Variants in VPS50 observed in about 807,000 individuals in gnomAD.
VPS50 encodes the protein syndetin.
Under a neutral mutation model 139.7 loss-of-function variants are expected in VPS50, and 70 were observed. That is an observed-to-expected ratio of 0.50 (90% CI 0.41 to 0.61). The LOEUF is 0.61. Ranked by LOEUF, VPS50 falls within the 20% of genes least tolerant of loss-of-function variation. The pLI is 0.00. For synonymous variants in VPS50, 365 were observed against 376.7 expected (o/e 0.97, Z 0.36); for missense variants, 921 against 1,133.7 (o/e 0.81, Z 2.69).
intron 23 of VPS50, among the ~76,000 whole-genome samples, chr7:93,342,701 G>A (rs1418651321): frequency 6.6e-6 from 1 of 152,198 alleles, no homozygotes; most frequent in African/African-American, 2.4e-5. Context: ...CGAACTGGGA[G>A]GCACCCCCCA....
chr7:93,298,496 C>T (rs1315287771), intron 16 of VPS50, among the ~76,000 whole-genome samples: 1 of 152,174 alleles, frequency 6.6e-6, no homozygotes, highest in African/African-American at 2.4e-5. Context: ...TGCCAAATGT[C>T]TCTCTTCCCA....
chr7:93,275,898 C>A, intron 11 of VPS50: 1 of 369,416 alleles, frequency 2.7e-6, no homozygotes, highest in African/African-American at 2.0e-5. Flanking sequence ...TAAGAAAGAG[C>A]AAGATGAATA....
intron 21 of VPS50, among the ~76,000 whole-genome samples, chr7:93,327,952 G>A (rs1797829336): frequency 6.6e-6 from 1 of 152,132 alleles, no homozygotes; most frequent in Non-Finnish European, 1.5e-5. Flanking sequence ...GGAAAAATAA[G>A]TATCTTTTTC....
intron 2 of VPS50, among the ~76,000 whole-genome samples, 190 bp downstream of exon 2, chr7:93,240,124 A>T (rs1794936443): frequency 6.6e-6 from 1 of 151,982 alleles, no homozygotes; most frequent in African/African-American, 2.4e-5. Flanking sequence ...AGTATGTATG[A>T]TGCATTATAG....
At chr7:93,313,727 G>T (rs949826473) in intron 20 of VPS50, among the ~76,000 whole-genome samples, 1 of 150,314 alleles carries the variant, frequency 6.7e-6, no homozygotes, top group African/African-American at 2.5e-5. Flanking sequence ...CAGTGGGTTT[G>T]TAGGAACTGA....
chr7:93,314,559 T>C (rs992626883), intron 20 of VPS50, among the ~76,000 whole-genome samples: 1 of 152,174 alleles, frequency 6.6e-6, no homozygotes, highest in Middle Eastern at 3.2e-3. Context: ...TTCTCTCTCC[T>C]GGAAGCAGCT....
intron 25 of VPS50, 130 bp from the exon 26 acceptor site, chr7:93,353,510 A>T: frequency 1.0e-6 from 1 of 984,052 alleles, no homozygotes. Flanking sequence ...TATCTTTGGC[A>T]TTATCTTTTT....
chr7:93,348,555 A>T (rs1453815529), intron 23 of VPS50, among the ~76,000 whole-genome samples, 156 bp from the exon 24 acceptor site: 1 of 152,050 alleles, frequency 6.6e-6, no homozygotes. Flanking sequence ...ATAAATGAAC[A>T]TGTCAAGTGG....
At chr7:93,296,528 A>G (rs1164177055) in intron 14 of VPS50, among the ~76,000 whole-genome samples, 1 of 152,162 alleles carries the variant, frequency 6.6e-6, no homozygotes, top group African/African-American at 2.4e-5. Context: ...CTTTCCATTC[A>G]GTTTGGCAAC....
At chr7:93,291,978 G>A (rs1796659996) in intron 13 of VPS50, 143 bp downstream of exon 13, 2 of 556,028 alleles carry the variant, frequency 3.6e-6, no homozygotes, top group African/African-American at 3.8e-5. Flanking sequence ...AGCAAAGAAA[G>A]TGATTCAGCT....
chr7:93,288,562 C>T (rs533698719), intron 12 of VPS50, among the ~76,000 whole-genome samples: 1 of 152,232 alleles, frequency 6.6e-6, no homozygotes, highest in Non-Finnish European at 1.5e-5. Flanking sequence ...GACAAATTCC[C>T]CTCCTTGGGA....
At chr7:93,253,722 A>C in intron 3 of VPS50, 138 bp from the exon 4 acceptor site, 1 of 532,784 alleles carries the variant, frequency 1.9e-6, no homozygotes, top group Non-Finnish European at 3.4e-6. Context: ...TTGGGAGGAC[A>C]GGTGGCATGG....
intron 24 of VPS50, 100 bp downstream of exon 24, chr7:93,348,907 T>A (rs1798479534): frequency 5.3e-6 from 4 of 751,106 alleles, no homozygotes; most frequent in Non-Finnish European, 9.0e-6. Flanking sequence ...AAGTCAGTCT[T>A]GAAACCCCAG....
At chr7:93,282,374 T>C (rs1796356927) in intron 12 of VPS50, among the ~76,000 whole-genome samples, 1 of 152,234 alleles carries the variant, frequency 6.6e-6, no homozygotes, top group Non-Finnish European at 1.5e-5. Flanking sequence ...AACAGCACTG[T>C]AGTAAATATT....
chr7:93,318,387 A>G (rs1376513097), intron 20 of VPS50, among the ~76,000 whole-genome samples: 1 of 152,178 alleles, frequency 6.6e-6, no homozygotes, highest in Non-Finnish European at 1.5e-5. Flanking sequence ...TTCATTATTC[A>G]GTACCTTTTT....
In VPS50 at chr7:93,257,782, G is replaced by A. The variant is rs1795532568; in HGVS notation, c.422+318G>A. On this transcript the variant is annotated intron_variant, in intron 6 of 27. Coordinates refer to ENST00000305866, the MANE Select transcript of VPS50 (RefSeq NM_017667.4). ...TTACAGGCTGTGATTTTTTAAAAAT[G>A]CAGTAAAAACAAATTACTAGGCAAA... 7 of 242,164 alleles carry A rather than the reference G, an allele frequency of 2.9e-5. No homozygotes were observed. In the Admixed American group the frequency reaches 3.2e-4, roughly 11 times the overall value. 15.0% of individuals were successfully genotyped at this position (242,164 alleles called of 1,614,324 possible).
intron 2 of VPS50, chr7:93,246,033 G>A: frequency 1.1e-6 from 1 of 891,152 alleles, no homozygotes. Flanking sequence ...AAAACTTCAT[G>A]TTTTGTTCTT....
intron 22 of VPS50, among the ~76,000 whole-genome samples, chr7:93,338,410 C>G (rs1798122149): frequency 1.3e-5 from 2 of 152,076 alleles, no homozygotes; most frequent in African/African-American, 4.8e-5. Context: ...TTTATTTGGG[C>G]AGTTAGAGAA....
chr7:93,328,081 ATAACCTACTACCTCAT>A (rs1472380338), intron 21 of VPS50, among the ~76,000 whole-genome samples: 2 of 152,216 alleles, frequency 1.3e-5, no homozygotes, highest in East Asian at 3.9e-4. Context: ...TGAACTGGTT[ATAACCTACTACCTCAT>A]GCTCTATTTT....
Sources: gnomAD v4.1 joint callset for allele counts (sites outside exome capture counted in the v4.1 genomes callset) on GRCh38, gnomAD v4.1.1 for gene constraint, MANE v1.5 for transcripts, NCBI Gene and HGNC (gene_info 2026-07-23, HGNC 2026-07-21) for gene names.